Variants in RNF144B observed in about 807,000 individuals in gnomAD.
RNF144B encodes the protein ring finger protein 144B.
RNF144B carries 25 observed loss-of-function variants against 40.2 expected under a neutral mutation model. The observed-to-expected ratio is 0.62, with a 90% CI of 0.45 to 0.87. RNF144B has a LOEUF of 0.87. Ranked by LOEUF, RNF144B falls within the 40% of genes least tolerant of loss-of-function variation. The probability of loss-of-function intolerance (pLI) is 0.00; values close to 1 mark genes in which losing one functional copy is unlikely to be tolerated. For missense variants in RNF144B, 365 were observed against 373.7 expected, an observed-to-expected ratio of 0.98 and a Z score of 0.19; for synonymous variants, 145 against 136.3, an observed-to-expected ratio of 1.06 and a Z score of -0.44.
chr6:18,399,015 G>T (rs918004141), intron 1 of RNF144B, among the ~76,000 whole-genome samples: 11 of 152,058 alleles, frequency 7.2e-5, no homozygotes, highest in African/African-American at 2.7e-4. Flanking sequence ...GTGATGTTTT[G>T]CTCTATGTAT....
Position 18,396,906 on chromosome 6 carries a change from G to A in RNF144B, c.-36-2593G>A, listed in dbSNP as rs1055138628. ...TCAAAATCCTGAATTTGACGTGCAG[G>A]TCTATTTGAATTTAATTTGCTCTTG... is the stretch of plus-strand genomic sequence containing the variant. On this transcript the variant is annotated intron_variant, in intron 1 of 7. Coordinates refer to ENST00000259939, the MANE Select transcript of RNF144B (RefSeq NM_182757.4). 3.0e-5 allele frequency: 22 copies of A among 743,858 alleles called. No individual in the cohort carries two copies. The Middle Eastern group carries it at 3.4e-3, about 114-fold the overall frequency. 46.1% of individuals were successfully genotyped at this position (743,858 alleles called of 1,614,324 possible).
At chr6:18,394,412 A>C (rs978782569) in intron 1 of RNF144B, among the ~76,000 whole-genome samples, 1 of 152,162 alleles carries the variant, frequency 6.6e-6, no homozygotes, top group Non-Finnish European at 1.5e-5. Flanking sequence ...AGCCTGGTCA[A>C]TATGGTGAAA....
At chr6:18,421,295 CACACACACACACACACACACAT>C (rs1758416795) in intron 2 of RNF144B, among the ~76,000 whole-genome samples, 2 of 145,502 alleles carry the variant, frequency 1.4e-5, no homozygotes, top group Non-Finnish European at 3.0e-5. Flanking sequence ...CACACACACA[CACACACACACACACACACACAT>C]ATATATAAAA....
At position 18,400,378 on chromosome 6, in the gene RNF144B, A is replaced by G. The variant is rs978887839; in HGVS notation, c.165+679A>G. ...AGTCAGGTAGTAATTTACTTTATGT[A>G]CTGAATTTTCATTCATATACTTGTT... On this transcript the variant is annotated intron_variant, in intron 2 of 7. Coordinates refer to ENST00000259939, the MANE Select transcript of RNF144B (RefSeq NM_182757.4). This position sits in a 1 kb window ranked among gnomAD's most constrained non-coding sequence, Gnocchi z 5.6. Among the ~76,000 whole-genome samples, 1 of 152,202 alleles carries G rather than the reference A, an allele frequency of 6.6e-6. No individual in the cohort carries two copies. The highest frequency in any genetic ancestry group is 1.5e-5 in the Non-Finnish European group (1 of 68,028).
intron 2 of RNF144B, among the ~76,000 whole-genome samples, chr6:18,417,302 C>T (rs560657274): frequency 1.3e-5 from 2 of 152,126 alleles, no homozygotes; most frequent in Admixed American, 6.5e-5. Flanking sequence ...AGTTGGAGAG[C>T]TCTATTCCTC....
In RNF144B at chr6:18,406,923, G is replaced by A. The variant is rs759886434; in HGVS notation, c.165+7224G>A. On this transcript the variant is annotated intron_variant, in intron 2 of 7. Transcript: ENST00000259939. This position sits in a 1 kb window ranked among gnomAD's most constrained non-coding sequence, Gnocchi z 4.2. ...CAGGAAACTTACAATCATGGTGGAA[G>A]GGGAAGCAGCCACGTCTTACATAGT... Among the ~76,000 whole-genome samples, 9 of 152,140 alleles carry A rather than the reference G, an allele frequency of 5.9e-5. No individual in the cohort carries two copies. The highest frequency in any genetic ancestry group is 1.2e-4 in the Non-Finnish European group (8 of 68,028).
rs9297071 is a variant in RNF144B at position 18,419,562 on chromosome 6, G to A, written c.166-8019G>A. Among the ~76,000 whole-genome samples the A allele has an allele frequency of 0.96, 145,684 of 152,146 alleles. 70,081 individuals are homozygous for A. The highest frequency in any genetic ancestry group is 1 in the East Asian group (5,174 of 5,174). On this transcript the variant is annotated intron_variant, in intron 2 of 7. Coordinates refer to ENST00000259939, the MANE Select transcript of RNF144B (RefSeq NM_182757.4). The surrounding 1 kb of genome is among the most constrained non-coding windows in gnomAD (Gnocchi z 4.6). ...AAGAATGAAAACCAGAAGAGTATGG[G>A]ATCCAGAAGACAAGGGGAAAAAGGG...
At chr6:18,403,941 C>A (rs972778554) in intron 2 of RNF144B, among the ~76,000 whole-genome samples, 2 of 152,156 alleles carry the variant, frequency 1.3e-5, no homozygotes, top group African/African-American at 4.8e-5. Context: ...AGAATTCATT[C>A]CCGCAAGAAC....
At chr6:18,440,891 C>CAAA (rs139900981) in intron 4 of RNF144B, among the ~76,000 whole-genome samples, 21,959 of 142,400 alleles carry the variant, frequency 0.15, 1,704 homozygotes, top group South Asian at 0.23. Flanking sequence ...CTAAATATAC[C>CAAA]AAAAAAAAAA....
At chr6:18,407,323 G>A (rs542489205) in intron 2 of RNF144B, among the ~76,000 whole-genome samples, 5 of 152,170 alleles carry the variant, frequency 3.3e-5, no homozygotes, top group Non-Finnish European at 7.3e-5. Context: ...TAGTGGCCTG[G>A]ACCAGCAGAT....
In RNF144B at chr6:18,441,628, G is replaced by A. The variant is rs1158818168; in HGVS notation, c.331+1884G>A. 6.6e-6 allele frequency among the ~76,000 whole-genome samples: 1 copy of A among 152,108 alleles called. No homozygotes were observed. The highest frequency in any genetic ancestry group is 2.4e-5 in the African/African-American group (1 of 41,406). On this transcript the variant is annotated intron_variant, in intron 4 of 7. Transcript: ENST00000259939. The surrounding 1 kb of genome is among the most constrained non-coding windows in gnomAD (Gnocchi z 4.9). ...TACCAGGAATTACAACTTTCTGTGG[G>A]TTGTTTCTCACTGATGAATATAAAG... is the stretch of plus-strand genomic sequence containing the variant.
rs1794762348 is a variant in RNF144B at position 18,399,660 on chromosome 6, G to GACCACAC, written c.127_133dup (p.Leu45HisfsTer35). 6.2e-7 allele frequency: 1 copy of GACCACAC among 1,613,986 alleles called. No individual in the cohort carries two copies. On this transcript the variant is annotated frameshift_variant, in exon 2 of 8. Transcript: ENST00000259939. LOFTEE classifies it high-confidence loss of function. ...TGTGTGAGCAGTCTCTGGACAAGAT[G>GACCACAC]ACCACACTCCAGGAATGCCAGTGCA...
intron 4 of RNF144B, among the ~76,000 whole-genome samples, chr6:18,455,892 G>T (rs571475125): frequency 2.8e-4 from 42 of 151,588 alleles, no homozygotes; most frequent in East Asian, 9.7e-4. Flanking sequence ...ACATGTGGGG[G>T]TTTTTTTTGT....
At chr6:18,413,181 C>T (rs1562044908) in intron 2 of RNF144B, among the ~76,000 whole-genome samples, 1 of 151,964 alleles carries the variant, frequency 6.6e-6, no homozygotes, top group Non-Finnish European at 1.5e-5. Flanking sequence ...TAATGTATGG[C>T]CTAGCACATA....
Position 18,459,855 on chromosome 6 carries a change from C to T in RNF144B, c.681+104C>T, listed in dbSNP as rs1759414254. 4.7e-6 allele frequency: 5 copies of T among 1,054,390 alleles called. No homozygotes were observed. In the South Asian group the frequency reaches 5.7e-5, roughly 12 times the overall value. The allele number at this position is 1,054,390 out of a possible 1,614,324, so 65.3% of individuals were successfully genotyped here. ...TTAAAATATTGGGGCAATTTTTGTC[C>T]TGCAAAAGGAATTTATTTTTCTTAA... is the stretch of plus-strand genomic sequence containing the variant. On this transcript the variant is annotated intron_variant, in intron 6 of 7. Transcript: ENST00000259939. The surrounding 1 kb of genome is among the most constrained non-coding windows in gnomAD (Gnocchi z 4.2).
In RNF144B at chr6:18,397,722, T is replaced by C. The variant is rs112059887; in HGVS notation, c.-36-1777T>C. On this transcript the variant is annotated intron_variant, in intron 1 of 7. Coordinates refer to ENST00000259939, the MANE Select transcript of RNF144B (RefSeq NM_182757.4). ...ATGGACTTCAACTCTCTTTTCCTCT[T>C]TCTGTCCCCCTTCCTCCTTCTTTTC... Among the ~76,000 whole-genome samples, 616 of 152,190 alleles carry C rather than the reference T, an allele frequency of 4.0e-3. 7 individuals carry two copies. The highest frequency in any genetic ancestry group is 6.4e-3 in the Non-Finnish European group (432 of 68,006).
intron 2 of RNF144B, among the ~76,000 whole-genome samples, chr6:18,409,891 G>A (rs1321163907): frequency 6.6e-6 from 1 of 152,064 alleles, no homozygotes; most frequent in Non-Finnish European, 1.5e-5. Flanking sequence ...TTTTTACTTC[G>A]ATCATAGGCG....
intron 7 of RNF144B, 34 bp downstream of exon 7, chr6:18,463,414 C>A (rs1437289849): frequency 1.6e-6 from 2 of 1,280,162 alleles, no homozygotes; most frequent in Admixed American, 1.7e-5. Context: ...TGACATAAAC[C>A]AAAATCGTGA....
intron 3 of RNF144B, among the ~76,000 whole-genome samples, chr6:18,438,907 G>A (rs1758887380): frequency 6.6e-6 from 1 of 152,042 alleles, no homozygotes; most frequent in Non-Finnish European, 1.5e-5. Context: ...TTTAAGTTAT[G>A]TCAATATATT....
Sources: allele counts gnomAD v4.1 joint callset (sites outside exome capture counted in the v4.1 genomes callset), GRCh38; gene constraint gnomAD v4.1.1; non-coding constraint Gnocchi (gnomAD v3.1); transcripts MANE v1.5; gene names NCBI Gene and HGNC (gene_info 2026-07-23, HGNC 2026-07-21).